Variants in GABBR2 observed in about 807,000 individuals in gnomAD.
GABBR2 encodes gamma-aminobutyric acid type B receptor subunit 2.
A neutral mutation model predicts 105.6 loss-of-function variants in GABBR2; 23 were observed. That is an observed-to-expected ratio of 0.22 (90% confidence interval 0.16 to 0.31). The LOEUF (loss-of-function observed/expected upper bound fraction) is 0.31. GABBR2 is among the 10% of genes least tolerant of loss of function. The probability of loss-of-function intolerance (pLI) is 1.00; values close to 1 mark genes in which losing one functional copy is unlikely to be tolerated. For synonymous variants in GABBR2, 478 were observed against 499.7 expected (o/e 0.96, Z 0.58); for missense variants, 734 against 1,245.5 (o/e 0.59, Z 6.18).
intron 1 of GABBR2, among the ~76,000 whole-genome samples, chr9:98,667,456 C>A (rs112478050): frequency 2.0e-5 from 3 of 152,110 alleles, no homozygotes; most frequent in Non-Finnish European, 4.4e-5. Flanking sequence ...AAGCCACCCT[C>A]GGCCAAGTGA....
At chr9:98,444,733 C>T (rs1826092133) in intron 7 of GABBR2, among the ~76,000 whole-genome samples, 1 of 152,170 alleles carries the variant, frequency 6.6e-6, no homozygotes, top group African/African-American at 2.4e-5. Flanking sequence ...GCTGCTCAAG[C>T]CCTGGGATTT....
rs538246050 is a variant in GABBR2, at chr9:98,683,275, G to A, written c.321+25142C>T. Among the ~76,000 whole-genome samples the A allele has an allele frequency of 1.6e-3, 250 of 152,240 alleles. 1 individual carries two copies. The highest frequency in any genetic ancestry group is 3.4e-3 in the Middle Eastern group (1 of 294). On this transcript the variant is annotated intron_variant, in intron 1 of 18. Coordinates refer to ENST00000259455, the MANE Select transcript of GABBR2 (RefSeq NM_005458.8). ...TGTCCAGCTAATTTTTCTATTTTTA[G>A]TAGAGACCGGGTTTCACCATGTTGG... is the stretch of plus-strand genomic sequence containing the variant.
chr9:98,512,476 T>G (rs1289535054), intron 3 of GABBR2, among the ~76,000 whole-genome samples: 2 of 152,036 alleles, frequency 1.3e-5, no homozygotes, highest in African/African-American at 4.8e-5. Flanking sequence ...TTGTCCCTGT[T>G]TGCAGATGAC....
At chr9:98,707,269 G>A (rs1463911981) in intron 1 of GABBR2, 1 of 152,336 alleles carries the variant, frequency 6.6e-6, no homozygotes, top group Non-Finnish European at 1.5e-5. Context: ...AGCGCCCGGA[G>A]AGTCCCAGGA....
intron 3 of GABBR2, among the ~76,000 whole-genome samples, chr9:98,515,649 C>T (rs1388914335): frequency 6.6e-6 from 1 of 152,090 alleles, no homozygotes; most frequent in Non-Finnish European, 1.5e-5. Flanking sequence ...GGCATAGGTG[C>T]AAACTGCTCC....
chr9:98,528,240 T>A (rs1191997991), intron 3 of GABBR2, among the ~76,000 whole-genome samples: 1 of 152,096 alleles, frequency 6.6e-6, no homozygotes, highest in Non-Finnish European at 1.5e-5. Flanking sequence ...GCATTTTAAG[T>A]AAATCAGAAA....
chr9:98,554,349 C>A (rs922177488), intron 2 of GABBR2, among the ~76,000 whole-genome samples: 4 of 150,828 alleles, frequency 2.7e-5, no homozygotes, highest in Non-Finnish European at 5.9e-5. Context: ...GAGAGTGAGG[C>A]CCTGTCAAAG....
rs572654590 is a variant in GABBR2, at chr9:98,432,352, G to A, written c.1236+21629C>T. On this transcript the variant is annotated intron_variant, in intron 7 of 18. Transcript: ENST00000259455. Reference sequence around the variant, plus strand: ...CACGGGGGTGGAGTCAGCAGGGCTTGGCAGATGGAAGGGAGGAGTTGAAGA... The same window carrying A: ...CACGGGGGTGGAGTCAGCAGGGCTTAGCAGATGGAAGGGAGGAGTTGAAGA... Among the ~76,000 whole-genome samples, 3 of 152,306 alleles carry A rather than the reference G, an allele frequency of 2.0e-5. No homozygotes were observed. In the South Asian group the frequency reaches 6.2e-4, roughly 32 times the overall value.
chr9:98,459,796 A>C (rs751628618), intron 6 of GABBR2, among the ~76,000 whole-genome samples: 1 of 152,220 alleles, frequency 6.6e-6, no homozygotes, highest in Non-Finnish European at 1.5e-5. Context: ...GCAAACCAAA[A>C]TAGATTGGGC....
intron 1 of GABBR2, among the ~76,000 whole-genome samples, chr9:98,628,544 C>T (rs1380110757): frequency 1.3e-5 from 2 of 152,116 alleles, no homozygotes; most frequent in Non-Finnish European, 2.9e-5. Flanking sequence ...TTTTCTTTCT[C>T]TTTTATATAA....
In GABBR2 at chr9:98,577,199, A is replaced by AATGG. The variant is rs766802691; in HGVS notation, c.459+732_459+735dup. ...GAACATATGGATGGATGGATAGGTG[A>AATGG]ATGGATGGATGGATGGATGGATGGA... is the stretch of plus-strand genomic sequence containing the variant. On this transcript the variant is annotated intron_variant, in intron 2 of 18. Transcript: ENST00000259455. Among the ~76,000 whole-genome samples, 1,106 of 111,380 alleles carry AATGG rather than the reference A, an allele frequency of 9.9e-3. 32 individuals carry two copies. Among genetic ancestry groups the AATGG allele is most frequent in the Middle Eastern group, 0.015 (3 of 204 alleles). 73.1% of individuals were successfully genotyped at this position (111,380 alleles called of 152,430 possible).
At chr9:98,657,336 CTG>C (rs777080482) in intron 1 of GABBR2, among the ~76,000 whole-genome samples, 20 of 152,196 alleles carry the variant, frequency 1.3e-4, no homozygotes, top group Admixed American at 2.0e-4. Flanking sequence ...ACCAAGAAGA[CTG>C]TACGTTTTCA....
intron 2 of GABBR2, among the ~76,000 whole-genome samples, chr9:98,561,727 T>A (rs1036933955): frequency 3.3e-5 from 5 of 152,040 alleles, no homozygotes; most frequent in South Asian, 4.2e-4. Flanking sequence ...TACAAAAAAA[T>A]TTTAAAATTA....
chr9:98,575,079 A>G (rs1007824394), intron 2 of GABBR2, among the ~76,000 whole-genome samples: 1 of 89,286 alleles, frequency 1.1e-5, no homozygotes, highest in Non-Finnish European at 2.4e-5. Flanking sequence ...ACATTTATAA[A>G]CACCACCACC....
chr9:98,568,902 G>A (rs894365413), intron 2 of GABBR2, among the ~76,000 whole-genome samples: 1 of 152,154 alleles, frequency 6.6e-6, no homozygotes, highest in African/African-American at 2.4e-5. Flanking sequence ...GGCATCTGAT[G>A]ACAGCCAGGA....
chr9:98,436,918 G>T (rs965906663), intron 7 of GABBR2, among the ~76,000 whole-genome samples: 1 of 152,090 alleles, frequency 6.6e-6, no homozygotes, highest in South Asian at 2.1e-4. Flanking sequence ...TAGCATTCAG[G>T]TTGGCACTCA....
At chr9:98,497,215 C>T (rs114356384) in intron 3 of GABBR2, among the ~76,000 whole-genome samples, 3,008 of 152,196 alleles carry the variant, frequency 0.02, 81 homozygotes, top group African/African-American at 0.067. Flanking sequence ...TGCAGTGAGC[C>T]GTGATCACGC....
intron 7 of GABBR2, among the ~76,000 whole-genome samples, chr9:98,430,221 T>C (rs1003858814): frequency 1.5e-5 from 2 of 135,880 alleles, no homozygotes; most frequent in Admixed American, 1.7e-4. Context: ...ACCCGGGAGG[T>C]GGAGATTGCA....
intron 7 of GABBR2, among the ~76,000 whole-genome samples, chr9:98,434,446 C>T (rs1461791108): frequency 6.6e-6 from 1 of 152,176 alleles, no homozygotes; most frequent in African/African-American, 2.4e-5. Flanking sequence ...AAATGTTCAA[C>T]AACAGGGTCT....
Sources: allele counts gnomAD v4.1 joint callset (sites outside exome capture counted in the v4.1 genomes callset), GRCh38; gene constraint gnomAD v4.1.1; transcripts MANE v1.5; gene names NCBI Gene and HGNC (gene_info 2026-07-23, HGNC 2026-07-21).